SOAT2: variants seen among roughly 807,000 people sequenced by gnomAD.
SOAT2 encodes sterol O-acyltransferase 2.
A neutral mutation model predicts 76.0 loss-of-function variants in SOAT2; 87 were observed. That is an observed-to-expected ratio of 1.14 (90% CI 0.96 to 1.37). The LOEUF (loss-of-function observed/expected upper bound fraction) is 1.37. SOAT2 is among the 40% of genes most tolerant of loss of function. SOAT2 has a pLI of 0.00. For synonymous variants in SOAT2, 285 were observed against 275.4 expected (o/e 1.03, Z -0.34); for missense variants, 686 against 682.1 (o/e 1.01, Z -0.06).
At chr12:53,116,535 C>G (rs912259295) in intron 7 of SOAT2, among the ~76,000 whole-genome samples, 1 of 152,168 alleles carries the variant, frequency 6.6e-6, no homozygotes, top group Non-Finnish European at 1.5e-5. Context: ...CTTAAAGTCA[C>G]CAGCTGCATT....
intron 5 of SOAT2, among the ~76,000 whole-genome samples, chr12:53,113,378 T>A (rs968927993): frequency 6.6e-6 from 1 of 152,160 alleles, no homozygotes; most frequent in African/African-American, 2.4e-5. Context: ...TCCCCAGTAG[T>A]GAAAGGGACG....
rs764388852 is a variant in SOAT2 at position 53,121,331 on chromosome 12, A to G, written c.1166A>G (p.Asn389Ser). ...RDWWNSTSFSNYYRTWNVVVH... is the reference protein window; with the variant it reads ...RDWWNSTSFSSYYRTWNVVVH... ...TGGTGGAACTCAACGTCCTTCTCCAACTACTACCGCACTTGGAACGTGGTG... is the reference window on the plus strand; with the variant it reads ...TGGTGGAACTCAACGTCCTTCTCCAGCTACTACCGCACTTGGAACGTGGTG... Residue 389 changes from asparagine to serine, a missense_variant, in exon 12 of 15, where the codon AAC becomes AGC. Coordinates refer to ENST00000301466, the MANE Select transcript of SOAT2 (RefSeq NM_003578.4). 2.0e-5 allele frequency: 32 copies of G among 1,613,982 alleles called. No homozygotes were observed. The South Asian group carries it at 3.2e-4, about 16-fold the overall frequency.
intron 10 of SOAT2, 107 bp from the exon 11 acceptor site, chr12:53,120,679 G>C: frequency 1.4e-6 from 1 of 733,368 alleles, no homozygotes. Flanking sequence ...AATGGTAAGA[G>C]TTGGGGCCCT....
chr12:53,103,993 C>T (rs973486742), intron 1 of SOAT2, among the ~76,000 whole-genome samples, 158 bp from the exon 2 acceptor site: 1 of 152,204 alleles, frequency 6.6e-6, no homozygotes, highest in Admixed American at 6.5e-5. Context: ...GCAACAGCAA[C>T]TTCCCCTTCT....
chr12:53,123,311 C>A, intron 13 of SOAT2, 95 bp downstream of exon 13: 2 of 1,496,218 alleles, frequency 1.3e-6, no homozygotes, highest in East Asian at 2.3e-5. Context: ...GAGGCCTCGC[C>A]CCCAGGCCTG....
intron 10 of SOAT2, among the ~76,000 whole-genome samples, chr12:53,120,423 C>G (rs1016122988): frequency 6.6e-6 from 1 of 151,876 alleles, no homozygotes; most frequent in African/African-American, 2.4e-5. Flanking sequence ...GAGCTGAGAT[C>G]GTGCCACTGC....
chr12:53,105,323 A>C, intron 3 of SOAT2, 80 bp downstream of exon 3: 1 of 1,505,408 alleles, frequency 6.6e-7, no homozygotes, highest in Non-Finnish European at 9.0e-7. Flanking sequence ...TGCCCTTGCC[A>C]GCTTTATCAG....
At chr12:53,121,531 A>C in intron 12 of SOAT2, 130 bp downstream of exon 12, 1 of 687,828 alleles carries the variant, frequency 1.5e-6, no homozygotes, top group Non-Finnish European at 2.5e-6. Flanking sequence ...TTTTGATTTC[A>C]TCTGTCCTCA....
intron 7 of SOAT2, 104 bp downstream of exon 7, chr12:53,116,270 G>C: frequency 9.4e-7 from 1 of 1,060,556 alleles, no homozygotes. Context: ...TCCTAAGCCC[G>C]GGTTGCCCAC....
At chr12:53,122,933 C>G in intron 12 of SOAT2, 148 bp from the exon 13 acceptor site, 1 of 803,858 alleles carries the variant, frequency 1.2e-6, no homozygotes, top group Non-Finnish European at 1.8e-6. Flanking sequence ...CCCTCACCTC[C>G]CGGACGGGGC....
chr12:53,105,265 G>C (rs377636076), intron 3 of SOAT2, 22 bp downstream of exon 3: 2 of 1,595,100 alleles, frequency 1.3e-6, no homozygotes. Context: ...GAATGGCTGC[G>C]CGGGCTCCTC....
At chr12:53,111,112 AT>A (rs1015051525) in intron 5 of SOAT2, among the ~76,000 whole-genome samples, 27 of 143,194 alleles carry the variant, frequency 1.9e-4, no homozygotes, top group South Asian at 2.2e-4. Context: ...ATTTGCCTAC[AT>A]TTTTTTTTTT....
At chr12:53,111,486 G>A (rs116599331) in intron 5 of SOAT2, among the ~76,000 whole-genome samples, 92 of 152,244 alleles carry the variant, frequency 6.0e-4, no homozygotes, top group African/African-American at 2.1e-3. Context: ...ACTAGACTAA[G>A]GCCACAAGAG....
chr12:53,103,658 T>A lies in SOAT2; in HGVS notation c.81T>A (p.Asp27Glu). 1 of 1,528,370 alleles carries A rather than the reference T, an allele frequency of 6.5e-7. No homozygotes were observed. Among genetic ancestry groups the A allele is most frequent in the Non-Finnish European group, 8.8e-7 (1 of 1,139,494 alleles). The allele number at this position is 1,528,370 out of a possible 1,614,324, so 94.7% of individuals were successfully genotyped here. A position where few individuals can be genotyped will look rare whatever the true frequency, so the allele number is the denominator to read the frequency against. Reference sequence around the variant, plus strand: ...AGCGGGAGCGCCAACCCTGTGGAGATGGTGAGCCGCCCTCGGGGGTGCAGA... The same window carrying A: ...AGCGGGAGCGCCAACCCTGTGGAGAAGGTGAGCCGCCCTCGGGGGTGCAGA... ...GGERERQPCG[D>E]GNTETHRAPD... is the part of the protein sequence containing the mutation. The change falls in exon 1 of 15, where the codon GAT (aspartate) becomes GAA (glutamate). Residue 27 changes from aspartate to glutamate, a missense_variant and splice_region_variant. Coordinates refer to ENST00000301466, the MANE Select transcript of SOAT2 (RefSeq NM_003578.4).
At chr12:53,121,954 A>C (rs989943883) in intron 12 of SOAT2, among the ~76,000 whole-genome samples, 1 of 151,262 alleles carries the variant, frequency 6.6e-6, no homozygotes, top group Admixed American at 6.6e-5. Flanking sequence ...ACTACACGCA[A>C]ATGCCACCAT....
chr12:53,116,035 GA>G, intron 6 of SOAT2, 61 bp from the exon 7 acceptor site: 1 of 1,398,004 alleles, frequency 7.2e-7, no homozygotes, highest in South Asian at 1.2e-5. Flanking sequence ...AGAGCACAGA[GA>G]GGTTAAGCGA....
At chr12:53,104,696 G>A (rs945206510) in intron 2 of SOAT2, among the ~76,000 whole-genome samples, 1 of 152,130 alleles carries the variant, frequency 6.6e-6, no homozygotes, top group African/African-American at 2.4e-5. Flanking sequence ...CTGCTAGTGC[G>A]GCTGGAGGCC....
chr12:53,115,587 T>C lies in SOAT2; in HGVS notation c.641T>C (p.Leu214Pro). 6.3e-7 allele frequency: 1 copy of C among 1,579,530 alleles called. No homozygotes were observed. Among genetic ancestry groups the C allele is most frequent in the Non-Finnish European group, 8.6e-7 (1 of 1,168,850 alleles). ...GCCCACGCCGTGGTGCTCTGCGCGC[T>C]GCCGGTCCACGTGGCCGTGGAGCAT... ...LAAHAVVLCA[L>P]PVHVAVEHQL... Residue 214 changes from leucine to proline, a missense_variant, in exon 6 of 15, where the codon CTG becomes CCG. Physicochemically the swap from Leu to Pro is moderately conservative, Grantham distance 98. Coordinates refer to ENST00000301466, the MANE Select transcript of SOAT2 (RefSeq NM_003578.4).
At chr12:53,122,339 CTT>C (rs754700101) in intron 12 of SOAT2, among the ~76,000 whole-genome samples, 15 of 138,970 alleles carry the variant, frequency 1.1e-4, no homozygotes, top group East Asian at 4.1e-4. Context: ...CCCAAACTAC[CTT>C]TTTTTTTTTT....
Sources: gnomAD v4.1 joint callset for allele counts (sites outside exome capture counted in the v4.1 genomes callset) on GRCh38, gnomAD v4.1.1 for gene constraint, MANE v1.5 for transcripts, NCBI Gene and HGNC (gene_info 2026-07-23, HGNC 2026-07-21) for gene names.